The following NSL1 variants were observed in gnomAD, a reference collection of about 807,000 sequenced individuals.
NSL1 encodes the protein NSL1 component of MIS12 kinetochore complex.
In NSL1, 11 loss-of-function variants were observed where a neutral mutation model predicts 25.4. The observed-to-expected ratio is 0.43, with a 90% confidence interval of 0.27 to 0.72. NSL1 has a LOEUF of 0.72. Among genes scored for constraint, NSL1 ranks in the 30% least tolerant of loss-of-function variants. The probability of loss-of-function intolerance (pLI) is 0.19; values close to 1 mark genes in which losing one functional copy is unlikely to be tolerated. For synonymous variants in NSL1, 118 were observed against 120.6 expected, an observed-to-expected ratio of 0.98 and a Z score of 0.14; for missense variants, 330 against 342.7, an observed-to-expected ratio of 0.96 and a Z score of 0.29.
chr1:212,743,038 T>A (rs1658575234), intron 4 of NSL1, among the ~76,000 whole-genome samples: 1 of 152,248 alleles, frequency 6.6e-6, no homozygotes, highest in Non-Finnish European at 1.5e-5. Context: ...AAATCCCTTT[T>A]AATTAAAATT....
rs1449686275 is a variant in NSL1 at position 212,737,426 on chromosome 1, G to A, written c.*982C>T. 8 of 985,256 alleles carry A rather than the reference G, an allele frequency of 8.1e-6. No homozygotes were observed. The highest frequency in any genetic ancestry group is 9.6e-6 in the Non-Finnish European group (8 of 829,770). 61.0% of individuals were successfully genotyped at this position (985,256 alleles called of 1,614,324 possible). A position where few individuals can be genotyped will look rare whatever the true frequency, so the allele number is the denominator to read the frequency against. On this transcript the variant is annotated 3_prime_UTR_variant, in exon 6 of 6. Coordinates refer to ENST00000366977, the MANE Select transcript of NSL1 (RefSeq NM_015471.4). Reference sequence around the variant, plus strand: ...GAAGGTATCAGAGTCATCAAAAGGGGAAACAGTTGGTAAGTTTGATGGCCC... The same window carrying A: ...GAAGGTATCAGAGTCATCAAAAGGGAAAACAGTTGGTAAGTTTGATGGCCC...
chr1:212,745,706 T>C (rs1284246365), intron 4 of NSL1, among the ~76,000 whole-genome samples: 1 of 152,232 alleles, frequency 6.6e-6, no homozygotes, highest in Non-Finnish European at 1.5e-5. Context: ...CTCATGCCTA[T>C]AATCCCAGCA....
chr1:212,786,519 C>G (rs1660953044), intron 2 of NSL1, among the ~76,000 whole-genome samples: 1 of 151,976 alleles, frequency 6.6e-6, no homozygotes, highest in Non-Finnish European at 1.5e-5. Context: ...AAATGTATCA[C>G]AAAATTTGAA....
intron 1 of NSL1, 141 bp downstream of exon 1, chr1:212,791,389 A>G: frequency 2.6e-6 from 2 of 754,904 alleles, no homozygotes; most frequent in Non-Finnish European, 4.5e-6. Context: ...TTTCTCCTCT[A>G]GCGTTTCTCG....
At position 212,736,984 on chromosome 1, in the gene NSL1, A is replaced by C; in HGVS notation, c.*1424T>G. 3.0e-6 allele frequency: 3 copies of C among 984,468 alleles called. No individual in the cohort carries two copies. The highest frequency in any genetic ancestry group is 3.6e-6 in the Non-Finnish European group (3 of 829,038). 61.0% of individuals were successfully genotyped at this position (984,468 alleles called of 1,614,324 possible). On this transcript the variant is annotated 3_prime_UTR_variant, in exon 6 of 6. Coordinates refer to ENST00000366977, the MANE Select transcript of NSL1 (RefSeq NM_015471.4). ...GGACCTCTGAAGTGAAACAAATCAT[A>C]CAGAATTTTAATACTATAAAAACAT...
At chr1:212,779,990 C>T (rs1395518664) in intron 4 of NSL1, among the ~76,000 whole-genome samples, 5 of 152,026 alleles carry the variant, frequency 3.3e-5, no homozygotes, top group Non-Finnish European at 7.4e-5. Context: ...GCCGCCACCC[C>T]GTCTGGGAGG....
Position 212,733,439 on chromosome 1 carries a change from A to C in NSL1, c.*4969T>G, listed in dbSNP as rs989542291. Among the ~76,000 whole-genome samples the C allele has an allele frequency of 1.5e-4, 23 of 151,124 alleles. No individual in the cohort carries two copies. Among genetic ancestry groups the C allele is most frequent in the Middle Eastern group, 3.5e-3 (1 of 288 alleles). ...ACAGCAAGACCTTGTTTCACAAAAA[A>C]AAAAAAAAAAAAATCCCATACCCAT... On this transcript the variant is annotated 3_prime_UTR_variant, in exon 6 of 6. Coordinates refer to ENST00000366977, the MANE Select transcript of NSL1 (RefSeq NM_015471.4).
rs1054023040 is a variant in NSL1 at position 212,727,283 on chromosome 1, C to T, written c.*11125G>A. 3.1e-5 allele frequency: 42 copies of T among 1,345,644 alleles called. No homozygotes were observed. The highest frequency in any genetic ancestry group is 1.2e-4 in the East Asian group (4 of 33,816). 83.4% of individuals were successfully genotyped at this position (1,345,644 alleles called of 1,614,324 possible). A position where few individuals can be genotyped will look rare whatever the true frequency, so the allele number is the denominator to read the frequency against. On this transcript the variant is annotated 3_prime_UTR_variant, in exon 6 of 6. Transcript: ENST00000366977. ...TTGAGACTCAGAGCTGTTTCACAAC[C>T]CTTTGTTCCAGGCAGGGCCCAGGAT...
Position 212,760,284 on chromosome 1 carries a change from T to G in NSL1, c.500-20683A>C, listed in dbSNP as rs1049877397. On this transcript the variant is annotated intron_variant, in intron 4 of 5. Transcript: ENST00000366977. The surrounding 1 kb of genome is among the most constrained non-coding windows in gnomAD (Gnocchi z 4.3). ...TAGGCACACCATCAGGAGGCTAAGA[T>G]CAGGCCCACCCTGCTCTGCACCACT... Among the ~76,000 whole-genome samples the G allele has an allele frequency of 6.6e-6, 1 of 151,714 alleles. No homozygotes were observed. The highest frequency in any genetic ancestry group is 6.6e-5 in the Admixed American group (1 of 15,224).
Position 212,729,347 on chromosome 1 carries a change from G to T in NSL1, c.*9061C>A. 3.1e-6 allele frequency: 3 copies of T among 981,056 alleles called. No homozygotes were observed. Among genetic ancestry groups the T allele is most frequent in the Non-Finnish European group, 3.6e-6 (3 of 825,988 alleles). The allele number at this position is 981,056 out of a possible 1,614,324, so 60.8% of individuals were successfully genotyped here. A position where few individuals can be genotyped will look rare whatever the true frequency, so the allele number is the denominator to read the frequency against. The stretch of plus-strand genomic sequence containing the variant: ...TGACGGCAAATTGCTTGTGGGCAGG[G>T]TCTGTGCCTTGGTTTACAGGTGTAC... On this transcript the variant is annotated 3_prime_UTR_variant, in exon 6 of 6. Coordinates refer to ENST00000366977, the MANE Select transcript of NSL1 (RefSeq NM_015471.4).
intron 2 of NSL1, among the ~76,000 whole-genome samples, chr1:212,786,016 T>G (rs1660925788): frequency 6.6e-6 from 1 of 152,116 alleles, no homozygotes; most frequent in East Asian, 1.9e-4. Context: ...ACCCTTTTTT[T>G]CCTTTTTCTC....
At chr1:212,785,517 T>G (rs533559017) in intron 2 of NSL1, among the ~76,000 whole-genome samples, 1 of 152,116 alleles carries the variant, frequency 6.6e-6, no homozygotes, top group African/African-American at 2.4e-5. Flanking sequence ...CAGGCTCCAG[T>G]GTGTGATGTT....
chr1:212,771,335 C>T (rs2102383049), intron 4 of NSL1, among the ~76,000 whole-genome samples: 1 of 151,904 alleles, frequency 6.6e-6, no homozygotes, highest in South Asian at 2.1e-4. Context: ...AAACAAAAAA[C>T]CTCTCAACAA....
intron 4 of NSL1, among the ~76,000 whole-genome samples, chr1:212,772,677 AAAAAAAG>A (rs1362551720): frequency 9.8e-6 from 1 of 101,716 alleles, no homozygotes; most frequent in Non-Finnish European, 2.0e-5. Context: ...ACATTGTCTC[AAAAAAAG>A]AAAAAAAGAA....
intron 4 of NSL1, among the ~76,000 whole-genome samples, chr1:212,752,677 A>C (rs144731788): frequency 2.0e-5 from 3 of 152,332 alleles, no homozygotes; most frequent in African/African-American, 7.2e-5. Flanking sequence ...TGCTATAAGG[A>C]TATTTTTAAA....
rs1389342870 is a variant in NSL1 at position 212,732,288 on chromosome 1, AAT to A, written c.*6118_*6119del. 1.0e-6 allele frequency: 1 copy of A among 972,316 alleles called. No individual in the cohort carries two copies. 60.2% of individuals were successfully genotyped at this position (972,316 alleles called of 1,614,324 possible). A position where few individuals can be genotyped will look rare whatever the true frequency, so the allele number is the denominator to read the frequency against. ...GTTGTCACTTTTATTTTTTTCTGAA[AAT>A]ATCTCTTTTGGAGTCCTACATAGTC... On this transcript the variant is annotated 3_prime_UTR_variant, in exon 6 of 6. Coordinates refer to ENST00000366977, the MANE Select transcript of NSL1 (RefSeq NM_015471.4).
At chr1:212,779,705 G>A (rs1385275665) in intron 4 of NSL1, among the ~76,000 whole-genome samples, 1 of 107,686 alleles carries the variant, frequency 9.3e-6, no homozygotes, top group African/African-American at 3.5e-5. Context: ...CCCACTGCCC[G>A]GCCAGCCGCC....
chr1:212,735,333 T>C lies in NSL1; in HGVS notation c.*3075A>G. On this transcript the variant is annotated 3_prime_UTR_variant, in exon 6 of 6. Coordinates refer to ENST00000366977, the MANE Select transcript of NSL1 (RefSeq NM_015471.4). ...CCGAGTAGGTGTCCAACTGTATGTG[T>C]TGAACAGATGAATAAATGAATGAAG... 1 of 985,394 alleles carries C rather than the reference T, an allele frequency of 1.0e-6. No individual in the cohort carries two copies. The highest frequency in any genetic ancestry group is 1.2e-6 in the Non-Finnish European group (1 of 829,908). The allele number at this position is 985,394 out of a possible 1,614,324, so 61.0% of individuals were successfully genotyped here. A position where few individuals can be genotyped will look rare whatever the true frequency, so the allele number is the denominator to read the frequency against.
intron 4 of NSL1, among the ~76,000 whole-genome samples, chr1:212,779,769 CCGGGAGGGAGG>C (rs1660617750): frequency 7.8e-6 from 1 of 128,462 alleles, no homozygotes; most frequent in African/African-American, 2.9e-5. Context: ...GCCGCCCCGT[CCGGGAGGGAGG>C]TGGGGGGGTC....
Sources: gnomAD v4.1 joint callset for allele counts (sites outside exome capture counted in the v4.1 genomes callset) on GRCh38, gnomAD v4.1.1 for gene constraint, Gnocchi (gnomAD v3.1) non-coding constraint, MANE v1.5 for transcripts, NCBI Gene and HGNC (gene_info 2026-07-23, HGNC 2026-07-21) for gene names.